The following HOXD11 variants were observed in gnomAD, a reference collection of about 807,000 sequenced individuals.
HOXD11 encodes the protein homeobox D11, also known as homeobox protein Hox-D11.
Under a neutral mutation model 23.1 loss-of-function variants are expected in HOXD11, and 16 were observed. That is an observed-to-expected ratio of 0.69 (90% CI 0.47 to 1.05). HOXD11 has a LOEUF of 1.05. Among genes scored for constraint, HOXD11 ranks in the 50% least tolerant of loss-of-function variants. The pLI is 0.00. For synonymous variants in HOXD11, 262 were observed against 224.4 expected (o/e 1.17, Z -1.50); for missense variants, 564 against 495.6 (o/e 1.14, Z -1.31).
chr2:176,114,781 A>G, the HOXD11 span, among the ~76,000 whole-genome samples: 1 of 152,228 alleles, frequency 6.6e-6, no homozygotes, highest in African/African-American at 2.4e-5. Flanking sequence ...TGAGGTGGAA[A>G]CCCAATTTAC....
chr2:176,111,120 T>A (rs1689666667), downstream of HOXD11, among the ~76,000 whole-genome samples: 1 of 152,228 alleles, frequency 6.6e-6, no homozygotes, highest in African/African-American at 2.4e-5. Flanking sequence ...ATAGTTATAA[T>A]GCTTTTAAAA....
Position 176,107,854 on chromosome 2 carries a change from G to A in HOXD11, c.499G>A (p.Ala167Thr). The change falls in exon 1 of 2, where the codon GCG becomes ACG. Residue 167 changes from alanine (A) to threonine (T), a missense_variant. Ala to Thr is a moderately conservative substitution (Grantham distance 58). Transcript: ENST00000249504. ...GGGCGCCGCCTCCAACTTCTACAGCGCGGTGGGCCGCAATGGCATCTTGCC... is the reference window on the plus strand; with the variant it reads ...GGGCGCCGCCTCCAACTTCTACAGCACGGTGGGCCGCAATGGCATCTTGCC... Reference protein sequence around the residue: ...PAGAASNFYSAVGRNGILPQG... With the variant: ...PAGAASNFYSTVGRNGILPQG... 4 of 1,449,606 alleles carry A rather than the reference G, an allele frequency of 2.8e-6. No homozygotes were observed. Among genetic ancestry groups the A allele is most frequent in the Non-Finnish European group, 3.6e-6 (4 of 1,098,674 alleles). 89.8% of individuals were successfully genotyped at this position (1,449,606 alleles called of 1,614,324 possible).
chr2:176,113,486 A>G (rs146286100), downstream of HOXD11, among the ~76,000 whole-genome samples: 72 of 152,348 alleles, frequency 4.7e-4, 1 homozygote, highest in East Asian at 0.01. Flanking sequence ...AACTGCTCCA[A>G]CTGATCTAAA....
Position 176,108,659 on chromosome 2 carries a change from C to CTGTGTGTGTGTG in HOXD11, c.782-220_782-209dup, listed in dbSNP as rs56323681. On this transcript the variant is annotated intron_variant, in intron 1 of 1. Transcript: ENST00000249504. ...TGCTTCCCCACCTCCGTGCCAGGCTCTGTGTGTGTGTGTGTGTGTGTGTGT... is the reference window on the plus strand; with the variant it reads ...TGCTTCCCCACCTCCGTGCCAGGCTCTGTGTGTGTGTGTGTGTGTGTGTGTGTGTGTGTGTGT... 5.3e-3 allele frequency: 1,717 copies of CTGTGTGTGTGTG among 325,954 alleles called. 9 individuals are homozygous for CTGTGTGTGTGTG. Among genetic ancestry groups the CTGTGTGTGTGTG allele is most frequent in the Middle Eastern group, 0.011 (13 of 1,152 alleles). 20.2% of individuals were successfully genotyped at this position (325,954 alleles called of 1,614,324 possible).
In HOXD11 at chr2:176,107,917, C is replaced by T. The variant is rs560453175; in HGVS notation, c.562C>T (p.Pro188Ser). ...CCAGTTCTACGAGGCAGCGCCCGGG[C>T]CCCCGTTCGCCGGGCCGCAGCCCCC... Reference protein sequence around the residue: ...FDQFYEAAPGPPFAGPQPPPP... With the variant: ...FDQFYEAAPGSPFAGPQPPPP... The change falls in exon 1 of 2, where the codon CCC becomes TCC. Residue 188 changes from proline (P) to serine (S), a missense_variant. Transcript: ENST00000249504. 18 of 1,426,412 alleles carry T rather than the reference C, an allele frequency of 1.3e-5. No individual in the cohort carries two copies. In the African/African-American group the frequency reaches 1.5e-4, roughly 12 times the overall value. 88.4% of individuals were successfully genotyped at this position (1,426,412 alleles called of 1,614,324 possible). A position where few individuals can be genotyped will look rare whatever the true frequency, so the allele number is the denominator to read the frequency against.
chr2:176,111,826 C>CAAAAAAAAAAAA (rs1176283938), downstream of HOXD11, among the ~76,000 whole-genome samples: 35 of 22,744 alleles, frequency 1.5e-3, 8 homozygotes, highest in African/African-American at 4.0e-3. Flanking sequence ...CTCCCCCCCG[C>CAAAAAAAAAAAA]AAAAAAAAAA....
At chr2:176,111,822 C>T (rs547146666), downstream of HOXD11, among the ~76,000 whole-genome samples, 750 of 67,956 alleles carry the variant, frequency 0.011, 13 homozygotes, top group African/African-American at 0.067. Flanking sequence ...CCCCCTCCCC[C>T]CCGCAAAAAA....
rs1689605991 is a variant in HOXD11 at position 176,107,867 on chromosome 2, A to G, written c.512A>G (p.Asn171Ser). ...ASNFYSAVGR[N>S]GILPQGFDQF... ...AACTTCTACAGCGCGGTGGGCCGCAATGGCATCTTGCCACAGGGCTTCGAC... is the reference window on the plus strand; with the variant it reads ...AACTTCTACAGCGCGGTGGGCCGCAGTGGCATCTTGCCACAGGGCTTCGAC... The change falls in exon 1 of 2, where the codon AAT becomes AGT. Residue 171 changes from asparagine to serine, a missense_variant. By Grantham distance (46) the Asn-to-Ser change is conservative. Transcript: ENST00000249504. The G allele has an allele frequency of 2.1e-6, 3 of 1,452,390 alleles. No individual in the cohort carries two copies. The highest frequency in any genetic ancestry group is 1.5e-5 in the African/African-American group (1 of 67,222). 90.0% of individuals were successfully genotyped at this position (1,452,390 alleles called of 1,614,324 possible).
At chr2:176,115,578 A>T in the HOXD11 span, among the ~76,000 whole-genome samples, 1 of 152,240 alleles carries the variant, frequency 6.6e-6, no homozygotes, top group Non-Finnish European at 1.5e-5. Flanking sequence ...CTTCAGAAGC[A>T]AGAAAATTAC....
the HOXD11 span, among the ~76,000 whole-genome samples, chr2:176,115,576 G>C: frequency 6.6e-6 from 1 of 152,150 alleles, no homozygotes; most frequent in Non-Finnish European, 1.5e-5. Context: ...ACCTTCAGAA[G>C]CAAGAAAATT....
At chr2:176,115,399 G>C in the HOXD11 span, among the ~76,000 whole-genome samples, 994 of 152,250 alleles carry the variant, frequency 6.5e-3, 9 homozygotes, top group African/African-American at 0.023. Context: ...TGACCTTCTT[G>C]GTTAGCAGCG....
chr2:176,107,424 G>A lies in HOXD11; in HGVS notation c.69G>A (p.Val23=). The change falls in exon 1 of 2, where the codon GTG becomes GTA. Residue 23 remains valine, a synonymous_variant. Transcript: ENST00000249504. Reference sequence around the variant, plus strand: ...ACCTGCCGGGCTGCGCCTACTATGTGGCCCCGTCTGACTTCGCTAGCAAGC... The same window carrying A: ...ACCTGCCGGGCTGCGCCTACTATGTAGCCCCGTCTGACTTCGCTAGCAAGC... ...SMYLPGCAYY[V]APSDFASKPS... 1 of 1,613,824 alleles carries A rather than the reference G, an allele frequency of 6.2e-7. No individual in the cohort carries two copies. Among genetic ancestry groups the A allele is most frequent in the South Asian group, 1.1e-5 (1 of 91,040 alleles).
the HOXD11 span, among the ~76,000 whole-genome samples, chr2:176,115,374 G>A: frequency 1.2e-4 from 19 of 152,280 alleles, no homozygotes; most frequent in South Asian, 6.2e-4. Flanking sequence ...TTGACAATTT[G>A]TATTAAAACA....
chr2:176,107,980 G>A lies in HOXD11; in HGVS notation c.625G>A (p.Asp209Asn), dbSNP rs1300753144. 3 of 1,452,472 alleles carry A rather than the reference G, an allele frequency of 2.1e-6. No homozygotes were observed. The highest frequency in any genetic ancestry group is 2.7e-5 in the South Asian group (2 of 73,742). 90.0% of individuals were successfully genotyped at this position (1,452,472 alleles called of 1,614,324 possible). A position where few individuals can be genotyped will look rare whatever the true frequency, so the allele number is the denominator to read the frequency against. The change falls in exon 1 of 2, where the codon GAC becomes AAC. Residue 209 changes from aspartate (D) to asparagine (N), a missense_variant. Physicochemically the swap from Asp to Asn is conservative, Grantham distance 23. Coordinates refer to ENST00000249504, the MANE Select transcript of HOXD11 (RefSeq NM_021192.3). ...PAPPQPEGAA[D>N]KGDPRTGAGG... ...GCCGCCACAGCCCGAGGGCGCAGCC[G>A]ACAAGGGCGACCCCAGGACCGGGGC... is the stretch of plus-strand genomic sequence containing the variant.
At position 176,108,990 on chromosome 2, in the gene HOXD11, G is replaced by T; in HGVS notation, c.865G>T (p.Val289Leu). The change falls in exon 2 of 2, where the codon GTG becomes TTG. Residue 289 changes from valine to leucine, a missense_variant. Transcript: ENST00000249504. ...ACTGGAACGCGAGTTTTTCTTTAACGTGTACATAAACAAAGAGAAAAGACT... is the reference window on the plus strand; with the variant it reads ...ACTGGAACGCGAGTTTTTCTTTAACTTGTACATAAACAAAGAGAAAAGACT... ...RELEREFFFN[V>L]YINKEKRLQL... 6.2e-7 allele frequency: 1 copy of T among 1,614,018 alleles called. No homozygotes were observed. The highest frequency in any genetic ancestry group is 8.5e-7 in the Non-Finnish European group (1 of 1,179,898).
chr2:176,111,814 C>T (rs1191247401), downstream of HOXD11, among the ~76,000 whole-genome samples: 3 of 95,224 alleles, frequency 3.2e-5, no homozygotes, highest in African/African-American at 1.5e-4. Flanking sequence ...CTTAACATCC[C>T]CCTCCCCCCC....
intron 1 of HOXD11, chr2:176,108,659 C>CTGTGTGTGTGTGTGTGTGTGTGTG (rs56323681): frequency 6.4e-6 from 2 of 314,094 alleles, no homozygotes; most frequent in African/African-American, 4.5e-5. Flanking sequence ...GTGCCAGGCT[C>CTGTGTGTGTGTGTGTGTGTGTGTG]TGTGTGTGTG....
Position 176,107,723 on chromosome 2 carries a change from C to A in HOXD11, c.368C>A (p.Ala123Glu), listed in dbSNP as rs1461215406. Residue 123 changes from alanine (A) to glutamate (E), a missense_variant, in exon 1 of 2, where the codon GCG becomes GAG. Coordinates refer to ENST00000249504, the MANE Select transcript of HOXD11 (RefSeq NM_021192.3). ...AAAAAAAAEE[A>E]AMQRELLPPA... ...GCGGCGGCCGCGGCGGCCGAGGAGG[C>A]GGCCATGCAACGCGAGCTTCTCCCG... is the stretch of plus-strand genomic sequence containing the variant. The A allele has an allele frequency of 1.1e-5, 13 of 1,147,170 alleles. No homozygotes were observed. The highest frequency in any genetic ancestry group is 1.3e-5 in the Non-Finnish European group (12 of 937,056). 71.1% of individuals were successfully genotyped at this position (1,147,170 alleles called of 1,614,324 possible).
At chr2:176,113,774 C>A (rs1020405717), downstream of HOXD11, among the ~76,000 whole-genome samples, 1 of 152,096 alleles carries the variant, frequency 6.6e-6, no homozygotes, top group Non-Finnish European at 1.5e-5. Context: ...AGAACAGATT[C>A]AAAATTATGT....
Sources: allele counts gnomAD v4.1 joint callset (sites outside exome capture counted in the v4.1 genomes callset), GRCh38; gene constraint gnomAD v4.1.1; transcripts MANE v1.5; gene names NCBI Gene and HGNC (gene_info 2026-07-23, HGNC 2026-07-21).